HOXD3: variants seen among roughly 807,000 people sequenced by gnomAD.
The protein encoded by HOXD3 is homeobox protein Hox-D3.
HOXD3 carries 13 observed loss-of-function variants against 32.8 expected under a neutral mutation model. That is an observed-to-expected ratio of 0.40 (90% CI 0.26 to 0.63). The LOEUF (loss-of-function observed/expected upper bound fraction) is 0.63, where lower values mean the gene tolerates loss of function less well. Ranked by LOEUF, HOXD3 falls within the 20% of genes least tolerant of loss-of-function variation. The probability of loss-of-function intolerance (pLI) is 0.44; values close to 1 mark genes in which losing one functional copy is unlikely to be tolerated. For synonymous variants in HOXD3, 241 were observed against 246.8 expected, an observed-to-expected ratio of 0.98 and a Z score of 0.22; for missense variants, 504 against 577.1, an observed-to-expected ratio of 0.87 and a Z score of 1.30.
At position 176,169,387 on chromosome 2, in the gene HOXD3, G is replaced by A. The variant is rs145664108; in HGVS notation, c.273G>A (p.Met91Ile). 132 of 1,613,940 alleles carry A rather than the reference G, an allele frequency of 8.2e-5. No homozygotes were observed. The African/African-American group carries it at 1.6e-3, about 20-fold the overall frequency. The part of the protein sequence containing the change: ...HKGAELNGSC[M>I]RPGTGNSQGG... ...GAGCTGAACTCAATGGCAGCTGCAT[G>A]CGGCCGGGCACTGGGAACAGCCAGG... Residue 91 changes from methionine (M) to isoleucine (I), a missense_variant, in exon 3 of 4, where the codon ATG (methionine) becomes ATA (isoleucine). This residue lies in a region of HOXD3 where 181 missense variants were observed against 172.2 expected (regional missense o/e 1.05). Transcript: ENST00000683222.
rs1434601155 is a variant in HOXD3 at position 176,172,932 on chromosome 2, G to A, written c.*658G>A. ...GCTGGTGTTTGTAGTTGACATAAAG[G>A]ATTAAGACCGCAAATTGTCCTTCAT... On this transcript the variant is annotated 3_prime_UTR_variant, in exon 4 of 4. Coordinates refer to ENST00000683222, the MANE Select transcript of HOXD3 (RefSeq NM_006898.5). 1.3e-5 allele frequency: 2 copies of A among 152,682 alleles called. No homozygotes were observed. Among genetic ancestry groups the A allele is most frequent in the Non-Finnish European group, 2.9e-5 (2 of 68,068 alleles). 9.5% of individuals were successfully genotyped at this position (152,682 alleles called of 1,614,324 possible).
Position 176,157,381 on chromosome 2 carries a change from G to A in HOXD3, c.-252G>A, listed in dbSNP as rs903402919. Among the ~76,000 whole-genome samples the A allele has an allele frequency of 2.0e-5, 3 of 152,108 alleles. No individual in the cohort carries two copies. The highest frequency in any genetic ancestry group is 6.5e-5 in the Admixed American group (1 of 15,276). On this transcript the variant is annotated 5_prime_UTR_variant, in exon 1 of 4. Transcript: ENST00000683222. The stretch of plus-strand genomic sequence containing the variant: ...TGCAGGGATCCCAAGAATATCACCC[G>A]TCCAGGGGGGCCGCGCGGTGCCCCC...
chr2:176,152,792 G>A (rs115586056), upstream of HOXD3: 105 of 1,614,176 alleles, frequency 6.5e-5, no homozygotes, highest in African/African-American at 1.1e-3. This position sits in a 1 kb window ranked among gnomAD's most constrained non-coding sequence, Gnocchi z 5.2. Flanking sequence ...AGAACCGGAG[G>A]ATGAAGTGGA....
In HOXD3 at chr2:176,169,315, C is replaced by T. The variant is rs1231106517; in HGVS notation, c.201C>T (p.Ala67=). The change falls in exon 3 of 4, where the codon GCC becomes GCT. Residue 67 remains alanine, a synonymous_variant. Transcript: ENST00000683222. ...TGGACACTGACTATCCAGGTTCTGCCTGCTCCATCCAGAGCTCTGCCCCTC... is the reference window on the plus strand; with the variant it reads ...TGGACACTGACTATCCAGGTTCTGCTTGCTCCATCCAGAGCTCTGCCCCTC... ...SSLDTDYPGS[A]CSIQSSAPLR... is the part of the protein sequence containing the mutation. The T allele has an allele frequency of 6.2e-7, 1 of 1,614,040 alleles. No homozygotes were observed. The highest frequency in any genetic ancestry group is 1.3e-5 in the African/African-American group (1 of 74,920).
chr2:176,160,546 C>T (rs1690767387), intron 1 of HOXD3, among the ~76,000 whole-genome samples: 1 of 152,222 alleles, frequency 6.6e-6, no homozygotes, highest in South Asian at 2.1e-4. Context: ...GGCTGCGCTC[C>T]GGGACTGGGT....
At chr2:176,157,842 C>T (rs1283042939) in intron 1 of HOXD3, among the ~76,000 whole-genome samples, 1 of 152,160 alleles carries the variant, frequency 6.6e-6, no homozygotes, top group African/African-American at 2.4e-5. Context: ...CTGGCGGACG[C>T]GCCTGGCGCA....
chr2:176,153,881 A>G (rs1028343085), upstream of HOXD3, among the ~76,000 whole-genome samples: 1 of 152,224 alleles, frequency 6.6e-6, no homozygotes, highest in African/African-American at 2.4e-5. Flanking sequence ...GGGGAAAGAA[A>G]ACAAAACCTC....
intron 1 of HOXD3, among the ~76,000 whole-genome samples, chr2:176,163,329 C>T (rs1690864571): frequency 6.6e-6 from 1 of 151,646 alleles, no homozygotes; most frequent in Non-Finnish European, 1.5e-5. Context: ...CTCTGTCTCT[C>T]TCCTTTCACC....
rs190587708 is a variant in HOXD3, at chr2:176,169,473, C to T, written c.359C>T (p.Pro120Leu). ...TCAGAGCAGCAGCCACCACAACCCC[C>T]TCCTCCACCACCGACCCTGCCCCCA... The part of the protein sequence containing the change: ...LNSEQQPPQP[P>L]PPPPTLPPSS... The change falls in exon 3 of 4, where the codon CCT becomes CTT. Residue 120 changes from proline to leucine, a missense_variant. Physicochemically the swap from Pro to Leu is moderately conservative, Grantham distance 98. Around this residue, in one of 3 missense-constraint regions of HOXD3, gnomAD observed 181 missense variants for 172.2 expected, o/e 1.05. Transcript: ENST00000683222. The T allele has an allele frequency of 3.7e-6, 6 of 1,613,128 alleles. No individual in the cohort carries two copies. Among genetic ancestry groups the T allele is most frequent in the African/African-American group, 2.7e-5 (2 of 75,008 alleles).
upstream of HOXD3, among the ~76,000 whole-genome samples, chr2:176,154,462 T>C (rs1418932434): frequency 1.3e-5 from 2 of 152,262 alleles, no homozygotes; most frequent in Non-Finnish European, 1.5e-5. Flanking sequence ...TATCAAAAAG[T>C]GACCAAAGTG....
chr2:176,169,763 C>T (rs1691112515), intron 3 of HOXD3, 108 bp downstream of exon 3: 1 of 1,322,238 alleles, frequency 7.6e-7, no homozygotes, highest in Non-Finnish European at 1.0e-6. Context: ...GTCTAAACTC[C>T]TACTCACGTC....
Position 176,168,314 on chromosome 2 carries a change from C to T in HOXD3, c.-84-717C>T, listed in dbSNP as rs572586393. Among the ~76,000 whole-genome samples the T allele has an allele frequency of 4.0e-5, 6 of 150,718 alleles. No homozygotes were observed. The East Asian group carries it at 1.2e-3, about 29-fold the overall frequency. ...TGGCGCAGTGGCTCACACCTGTAAT[C>T]CCAGCACTTAGGGAGGCCCAGGCGG... On this transcript the variant is annotated intron_variant, in intron 2 of 3. Transcript: ENST00000683222.
At chr2:176,162,359 C>T (rs1574980371) in intron 1 of HOXD3, among the ~76,000 whole-genome samples, 1 of 152,186 alleles carries the variant, frequency 6.6e-6, no homozygotes, top group Admixed American at 6.5e-5. Flanking sequence ...CTGGCCCTAT[C>T]CTAAAGAGTT....
At chr2:176,155,690 G>T (rs893701607), upstream of HOXD3, among the ~76,000 whole-genome samples, 1 of 152,198 alleles carries the variant, frequency 6.6e-6, no homozygotes, top group Admixed American at 6.5e-5. Context: ...TTTGGAGAAA[G>T]CTAGGTGTGG....
chr2:176,163,415 A>T (rs1038990570), intron 1 of HOXD3, among the ~76,000 whole-genome samples: 2 of 151,920 alleles, frequency 1.3e-5, no homozygotes, highest in African/African-American at 4.8e-5. Flanking sequence ...GGGGGTGGAA[A>T]GGATGTTTGT....
At chr2:176,152,898 C>G (rs1452425713), upstream of HOXD3, 1 of 1,614,242 alleles carries the variant, frequency 6.2e-7, no homozygotes, top group Non-Finnish European at 8.5e-7. The surrounding 1 kb of genome is among the most constrained non-coding windows in gnomAD (Gnocchi z 5.2). Flanking sequence ...CCAGCATTTA[C>G]AGCCGATGGC....
chr2:176,163,082 C>A (rs1257910014), intron 1 of HOXD3, among the ~76,000 whole-genome samples: 6 of 152,070 alleles, frequency 3.9e-5, no homozygotes. Flanking sequence ...AAGCTGAAGC[C>A]GCAGCGCGAA....
chr2:176,163,509 T>C (rs1690872468), intron 1 of HOXD3, among the ~76,000 whole-genome samples: 1 of 152,026 alleles, frequency 6.6e-6, no homozygotes, highest in African/African-American at 2.4e-5. Context: ...CCGGAATGAA[T>C]AAACTCAGGG....
rs11437853 is a variant in HOXD3 at position 176,170,897 on chromosome 2, G to GTTT, written c.542-613_542-611dup. Among the ~76,000 whole-genome samples the GTTT allele has an allele frequency of 4.7e-3, 704 of 150,624 alleles. 6 individuals carry two copies. Among genetic ancestry groups the GTTT allele is most frequent in the African/African-American group, 0.013 (553 of 40,990 alleles). ...GGACTCCCTAAAATACCCAGGCAGT[G>GTTT]TTTTTTTTTGTTTGTTTGTTTGGTT... is the stretch of plus-strand genomic sequence containing the variant. On this transcript the variant is annotated intron_variant, in intron 3 of 3. Transcript: ENST00000683222.
Sources: gnomAD v4.1 joint callset for allele counts (sites outside exome capture counted in the v4.1 genomes callset) on GRCh38, gnomAD v4.1.1 for gene constraint, gnomAD v4.1.1 regional missense constraint, Gnocchi (gnomAD v3.1) non-coding constraint, MANE v1.5 for transcripts, NCBI Gene and HGNC (gene_info 2026-07-23, HGNC 2026-07-21) for gene names.